Variants in AGGF1 observed in about 807,000 individuals in gnomAD.
The protein encoded by AGGF1 is angiogenic factor with G-patch and FHA domains 1, also known as angiogenic factor with G patch and FHA domains 1.
AGGF1 carries 56 observed loss-of-function variants against 86.5 expected under a neutral mutation model. The ratio of observed to expected loss-of-function variants is 0.65; its 90% confidence interval spans 0.52 to 0.81. The LOEUF (loss-of-function observed/expected upper bound fraction) is 0.81. AGGF1 is among the 30% of genes least tolerant of loss of function. AGGF1 has a pLI of 0.00. For missense variants in AGGF1, 816 were observed against 850.9 expected (o/e 0.96, Z 0.51); for synonymous variants, 313 against 297.1 (o/e 1.05, Z -0.55).
At chr5:77,054,536 A>G (rs1021311450) in intron 10 of AGGF1, among the ~76,000 whole-genome samples, 1 of 152,218 alleles carries the variant, frequency 6.6e-6, no homozygotes, top group Non-Finnish European at 1.5e-5. Context: ...AATGTACTTA[A>G]GAGCAGTTGT....
chr5:77,059,435 G>C (rs1228159571), intron 11 of AGGF1, among the ~76,000 whole-genome samples, 181 bp from the exon 12 acceptor site: 1 of 152,020 alleles, frequency 6.6e-6, no homozygotes, highest in Non-Finnish European at 1.5e-5. Context: ...TCTTGCCTCA[G>C]CTTCCCAAAA....
At chr5:77,048,890 TAA>T in intron 7 of AGGF1, 44 bp from the exon 8 acceptor site, 1 of 1,560,814 alleles carries the variant, frequency 6.4e-7, no homozygotes, top group Non-Finnish European at 8.8e-7. Flanking sequence ...TCACTTTATA[TAA>T]TATGCTTCAA....
At position 77,030,814 on chromosome 5, in the gene AGGF1, C is replaced by G; in HGVS notation, c.48C>G (p.Thr16=). 2 of 1,606,844 alleles carry G rather than the reference C, an allele frequency of 1.2e-6. No homozygotes were observed. The highest frequency in any genetic ancestry group is 1.7e-6 in the Non-Finnish European group (2 of 1,178,552). Residue 16 remains threonine, a synonymous_variant, in exon 1 of 14, where the codon ACC becomes ACG. Transcript: ENST00000312916. ...CGCCGCGGTCGCCGCCGCCGCCCAC[C>G]TCCCCCGAGCCTGAGCTGGCCCAGC... is the stretch of plus-strand genomic sequence containing the variant. ...PSPPRSPPPP[T]SPEPELAQLR... is the part of the protein sequence containing the mutation.
intron 5 of AGGF1, among the ~76,000 whole-genome samples, chr5:77,045,485 C>T (rs1178019938): frequency 3.3e-5 from 5 of 152,114 alleles, no homozygotes; most frequent in Admixed American, 3.3e-4. Context: ...TAAGGCATAT[C>T]AACTATAAAT....
chr5:77,043,538 ACCC>A (rs1192289939), intron 5 of AGGF1, among the ~76,000 whole-genome samples: 1 of 99,220 alleles, frequency 1.0e-5, no homozygotes, highest in Non-Finnish European at 2.0e-5. Context: ...CGGGGGGCTG[ACCC>A]CCCCACCTCC....
At chr5:77,049,012 T>C (rs1747324279) in intron 8 of AGGF1, 25 bp downstream of exon 8, 1 of 1,605,290 alleles carries the variant, frequency 6.2e-7, no homozygotes, top group Non-Finnish European at 8.5e-7. Flanking sequence ...TTATCAAATA[T>C]AGTCCCCTAG....
In AGGF1 at chr5:77,055,454, T is replaced by C. The variant is rs1263604101; in HGVS notation, c.1634-60T>C. On this transcript the variant is annotated intron_variant, in intron 10 of 13. Coordinates refer to ENST00000312916, the MANE Select transcript of AGGF1 (RefSeq NM_018046.5). ...TTTTATTAATTAAATAACATTAGTT[T>C]TAATTTTGTACAAAATCAGATTTAG... 1.1e-5 allele frequency: 12 copies of C among 1,127,094 alleles called. No individual in the cohort carries two copies. The South Asian group carries it at 1.5e-4, about 14-fold the overall frequency. The allele number at this position is 1,127,094 out of a possible 1,614,324, so 69.8% of individuals were successfully genotyped here.
Position 77,064,482 on chromosome 5 carries a change from A to T in AGGF1, c.*1230A>T, listed in dbSNP as rs1272963084. On this transcript the variant is annotated 3_prime_UTR_variant, in exon 14 of 14. Transcript: ENST00000312916. ...AGCTACCTGTTAGAATTTCCAGTCTAAATGGCACAGGGTAGTTACGGAGAA... is the reference window on the plus strand; with the variant it reads ...AGCTACCTGTTAGAATTTCCAGTCTTAATGGCACAGGGTAGTTACGGAGAA... 2 of 152,232 alleles carry T rather than the reference A, an allele frequency of 1.3e-5. No homozygotes were observed. Among genetic ancestry groups the T allele is most frequent in the Non-Finnish European group, 2.9e-5 (2 of 68,040 alleles). 9.4% of individuals were successfully genotyped at this position (152,232 alleles called of 1,614,324 possible).
At position 77,052,758 on chromosome 5, in the gene AGGF1, A is replaced by G; in HGVS notation, c.1418A>G (p.Asp473Gly). Residue 473 changes from aspartate to glycine, a missense_variant, in exon 9 of 14, where the codon GAT becomes GGT. Asp to Gly is a moderately conservative substitution (Grantham distance 94). Coordinates refer to ENST00000312916, the MANE Select transcript of AGGF1 (RefSeq NM_018046.5). ...GACTTACAAAGTTATGTCCTTGTGGATCAAGGCAGTCAAAATGGCACAATT... is the reference window on the plus strand; with the variant it reads ...GACTTACAAAGTTATGTCCTTGTGGGTCAAGGCAGTCAAAATGGCACAATT... ...DHDLQSYVLV[D>G]QGSQNGTIVN... 1 of 1,613,840 alleles carries G rather than the reference A, an allele frequency of 6.2e-7. No individual in the cohort carries two copies.
At chr5:77,053,298 C>G (rs944543310) in intron 9 of AGGF1, among the ~76,000 whole-genome samples, 4 of 152,146 alleles carry the variant, frequency 2.6e-5, no homozygotes, top group Non-Finnish European at 4.4e-5. Context: ...GCCAGTGGAT[C>G]ATCTGAGGTT....
At chr5:77,037,695 G>C (rs1012318949) in intron 4 of AGGF1, among the ~76,000 whole-genome samples, 1 of 152,174 alleles carries the variant, frequency 6.6e-6, no homozygotes, top group African/African-American at 2.4e-5. Flanking sequence ...AGCGTCGCTT[G>C]AGCTGGGAAG....
intron 8 of AGGF1, among the ~76,000 whole-genome samples, chr5:77,050,306 C>CTTTTTTTTTTTTTTTTTT (rs10595061): frequency 3.9e-5 from 3 of 76,564 alleles, no homozygotes; most frequent in African/African-American, 5.8e-5. Flanking sequence ...TTCTTTGTTT[C>CTTTTTTTTTTTTTTTTTT]TTTTTTTTTT....
At chr5:77,043,981 G>A in intron 5 of AGGF1, among the ~76,000 whole-genome samples, 1 of 132,222 alleles carries the variant, frequency 7.6e-6, no homozygotes, top group East Asian at 2.2e-4. Context: ...CTCAGACAAT[G>A]GGCGGCCGGG....
At position 77,042,677 on chromosome 5, in the gene AGGF1, A is replaced by C. The variant is rs1182194228; in HGVS notation, c.870+2958A>C. ...TCCCGGACGGGGCGGCTGGCTGGGC[A>C]GAGGGGCTCCTCACTTCCCAGTAGG... On this transcript the variant is annotated intron_variant, in intron 5 of 13. Coordinates refer to ENST00000312916, the MANE Select transcript of AGGF1 (RefSeq NM_018046.5). Among the ~76,000 whole-genome samples, 2 of 24,280 alleles carry C rather than the reference A, an allele frequency of 8.2e-5. 1 individual carries two copies. Among genetic ancestry groups the C allele is most frequent in the African/African-American group, 2.3e-4 (2 of 8,808 alleles). The allele number at this position is 24,280 out of a possible 152,430, so 15.9% of individuals were successfully genotyped here.
At chr5:77,062,627 TC>T (rs1463088438) in intron 13 of AGGF1, among the ~76,000 whole-genome samples, 2 of 152,204 alleles carry the variant, frequency 1.3e-5, no homozygotes, top group African/African-American at 2.4e-5. Context: ...TGAGAAGTGC[TC>T]CCCTCCTGTT....
chr5:77,046,767 A>G (rs1747263335), intron 6 of AGGF1, 90 bp downstream of exon 6: 3 of 1,212,958 alleles, frequency 2.5e-6, no homozygotes, highest in Non-Finnish European at 2.4e-6. Context: ...GTTGTAGTAT[A>G]TCTGCCAGAA....
intron 9 of AGGF1, among the ~76,000 whole-genome samples, chr5:77,053,257 G>A (rs930340241): frequency 3.3e-5 from 5 of 152,158 alleles, no homozygotes; most frequent in Admixed American, 6.5e-5. Context: ...TGGTTCTGAC[G>A]CCTGTAATCC....
In AGGF1 at chr5:77,036,639, G is replaced by A. The variant is rs754257649; in HGVS notation, c.600G>A (p.Ala200=). ...AAAGTTTGAGAGCTGCAGCAGAAGC[G>A]GCTGTATCACAGACTGGATTTAGTT... ...LAESLRAAAE[A]AVSQTGFSYD... Residue 200 remains alanine, a synonymous_variant, in exon 4 of 14, where the codon GCG becomes GCA. Transcript: ENST00000312916. The A allele has an allele frequency of 1.2e-5, 20 of 1,613,804 alleles. No homozygotes were observed. Among genetic ancestry groups the A allele is most frequent in the Non-Finnish European group, 1.7e-5 (20 of 1,179,988 alleles).
At chr5:77,031,045 C>A in intron 1 of AGGF1, 69 bp downstream of exon 1, 1 of 1,533,618 alleles carries the variant, frequency 6.5e-7, no homozygotes. Context: ...GTGATAGCCT[C>A]GGAAGGGGTC....
Sources: gnomAD v4.1 joint callset for allele counts (sites outside exome capture counted in the v4.1 genomes callset) on GRCh38, gnomAD v4.1.1 for gene constraint, MANE v1.5 for transcripts, NCBI Gene and HGNC (gene_info 2026-07-23, HGNC 2026-07-21) for gene names.